The following PHACTR3 variants were observed in gnomAD, a reference collection of about 807,000 sequenced individuals.
PHACTR3 encodes the protein phosphatase and actin regulator 3.
In PHACTR3, 16 loss-of-function variants were observed where a neutral mutation model predicts 66.8. That is an observed-to-expected ratio of 0.24 (90% CI 0.16 to 0.36). The LOEUF (loss-of-function observed/expected upper bound fraction) is 0.36. Among genes scored for constraint, PHACTR3 ranks in the 10% least tolerant of loss-of-function variants. The probability of loss-of-function intolerance (pLI) is 1.00; values close to 1 mark genes in which losing one functional copy is unlikely to be tolerated. For missense variants in PHACTR3, 647 were observed against 719.9 expected (o/e 0.90, Z 1.16); for synonymous variants, 323 against 292.1 (o/e 1.11, Z -1.08).
At chr20:59,603,234 C>A (rs559016182), upstream of PHACTR3, among the ~76,000 whole-genome samples, 32 of 152,280 alleles carry the variant, frequency 2.1e-4, no homozygotes, top group African/African-American at 7.2e-4. Flanking sequence ...CGGCTTCACC[C>A]TCCCCCTTTC....
intron 1 of PHACTR3, among the ~76,000 whole-genome samples, chr20:59,647,171 G>A (rs570356510): frequency 7.4e-4 from 112 of 152,278 alleles, no homozygotes; most frequent in African/African-American, 2.5e-3. Flanking sequence ...CAATCATGGC[G>A]GAAGGCAAAG....
chr20:59,788,351 A>G (rs1388747850), intron 7 of PHACTR3, among the ~76,000 whole-genome samples: 1 of 152,060 alleles, frequency 6.6e-6, no homozygotes, highest in Non-Finnish European at 1.5e-5. Flanking sequence ...AGGGATAGTG[A>G]CACTTCCCTT....
In PHACTR3 at chr20:59,750,397, C is replaced by G. The variant is rs148344496; in HGVS notation, c.358+2562C>G. Among the ~76,000 whole-genome samples the G allele has an allele frequency of 3.9e-5, 6 of 152,258 alleles. No homozygotes were observed. In the East Asian group the frequency reaches 1.2e-3, roughly 29 times the overall value. On this transcript the variant is annotated intron_variant, in intron 3 of 12. Transcript: ENST00000371015. The stretch of plus-strand genomic sequence containing the variant: ...GACCCAGGCAGCAGTGCTTCCTCAT[C>G]CTCCACAGCTGATTCCGACTTTGAT...
intron 1 of PHACTR3, 75 bp from the exon 2 acceptor site, chr20:59,743,032 G>T (rs2039225512): frequency 6.6e-7 from 1 of 1,520,146 alleles, no homozygotes; most frequent in South Asian, 1.2e-5. Flanking sequence ...AGGGTGAGAG[G>T]TCATCACCTT....
chr20:59,836,631 C>G, intron 9 of PHACTR3, 71 bp downstream of exon 9: 1 of 1,468,604 alleles, frequency 6.8e-7, no homozygotes, highest in Non-Finnish European at 9.4e-7. Flanking sequence ...ATCCTGAGTT[C>G]CCATAACCCA....
intron 8 of PHACTR3, among the ~76,000 whole-genome samples, chr20:59,821,093 G>A (rs1356066395): frequency 6.6e-6 from 1 of 152,170 alleles, no homozygotes; most frequent in Non-Finnish European, 1.5e-5. Context: ...GTGTTTGCCT[G>A]CATTCATATA....
Position 59,797,233 on chromosome 20 carries a change from T to C in PHACTR3, c.1175-8808T>C, listed in dbSNP as rs964426930. Among the ~76,000 whole-genome samples, 16 of 152,210 alleles carry C rather than the reference T, an allele frequency of 1.1e-4. 1 individual carries two copies. Among genetic ancestry groups the C allele is most frequent in the Admixed American group, 2.0e-4 (3 of 15,286 alleles). ...TTTCTTATTCAGATCATAAATTGTTTTCCTGATTTCATTGAATTTTCTACT... is the reference window on the plus strand; with the variant it reads ...TTTCTTATTCAGATCATAAATTGTTCTCCTGATTTCATTGAATTTTCTACT... On this transcript the variant is annotated intron_variant, in intron 7 of 12. Transcript: ENST00000371015.
chr20:59,634,460 G>A (rs1365913488), intron 1 of PHACTR3, among the ~76,000 whole-genome samples: 1 of 152,182 alleles, frequency 6.6e-6, no homozygotes, highest in Non-Finnish European at 1.5e-5. Flanking sequence ...TGTTGGCCGT[G>A]AACGGTGGTG....
chr20:59,806,218 G>C (rs2041564449), intron 8 of PHACTR3, 24 bp downstream of exon 8: 1 of 1,610,792 alleles, frequency 6.2e-7, no homozygotes, highest in Admixed American at 1.7e-5. Flanking sequence ...TGCGGGCACA[G>C]CCGGGCCTGT....
intron 6 of PHACTR3, among the ~76,000 whole-genome samples, chr20:59,773,714 C>T (rs1015021600): frequency 1.1e-4 from 16 of 152,220 alleles, no homozygotes; most frequent in Non-Finnish European, 2.2e-4. Flanking sequence ...GCGTGAGCCC[C>T]TCAGGACCCA....
At chr20:59,675,492 G>A (rs2036423518) in intron 1 of PHACTR3, among the ~76,000 whole-genome samples, 1 of 152,150 alleles carries the variant, frequency 6.6e-6, no homozygotes, top group Non-Finnish European at 1.5e-5. Context: ...CCTGGTTCTG[G>A]GCTATTGTCC....
chr20:59,784,342 A>G (rs1420172282), intron 7 of PHACTR3, among the ~76,000 whole-genome samples: 1 of 152,054 alleles, frequency 6.6e-6, no homozygotes, highest in Non-Finnish European at 1.5e-5. Flanking sequence ...GTGTATATAT[A>G]GAATGTGTAT....
At chr20:59,599,962 T>TGCCTCAGTGGCTTTCCACCATC (rs2033426205), upstream of PHACTR3, among the ~76,000 whole-genome samples, 1 of 152,174 alleles carries the variant, frequency 6.6e-6, no homozygotes, top group African/African-American at 2.4e-5. Context: ...GACCCACCAC[T>TGCCTCAGTGGCTTTCCACCATC]GCCTCAGTGG....
chr20:59,619,062 G>A (rs146751835), intron 1 of PHACTR3, among the ~76,000 whole-genome samples: 1 of 152,200 alleles, frequency 6.6e-6, no homozygotes, highest in African/African-American at 2.4e-5. Flanking sequence ...ACTACCTCCT[G>A]TGTGCTTTTC....
At chr20:59,668,311 C>T (rs778732885) in intron 1 of PHACTR3, among the ~76,000 whole-genome samples, 8 of 151,076 alleles carry the variant, frequency 5.3e-5, no homozygotes, top group Non-Finnish European at 7.4e-5. Flanking sequence ...TGGACATATA[C>T]GCCTGTACAT....
chr20:59,586,840 G>A (rs1044445553), intron 1 of PHACTR3, among the ~76,000 whole-genome samples: 4 of 152,128 alleles, frequency 2.6e-5, no homozygotes, highest in South Asian at 2.1e-4. Context: ...GAGGAAAACC[G>A]AGGCTGAAAG....
intron 1 of PHACTR3, among the ~76,000 whole-genome samples, chr20:59,635,111 C>CTT (rs1311976745): frequency 3.1e-5 from 2 of 64,538 alleles, no homozygotes; most frequent in African/African-American, 1.1e-4. Flanking sequence ...CTCTTTCTTT[C>CTT]TTTCTTTCTT....
chr20:59,704,609 T>G (rs1033723745), intron 1 of PHACTR3, among the ~76,000 whole-genome samples: 1 of 149,956 alleles, frequency 6.7e-6, no homozygotes, highest in Admixed American at 6.6e-5. Flanking sequence ...ATGCACGTCT[T>G]ATAGTATTCC....
intron 1 of PHACTR3, chr20:59,676,563 G>A: frequency 4.3e-6 from 1 of 234,316 alleles, no homozygotes; most frequent in Non-Finnish European, 6.9e-6. Context: ...CCTGACAATT[G>A]CAGTGCTGCG....
Sources: allele counts gnomAD v4.1 joint callset (sites outside exome capture counted in the v4.1 genomes callset), GRCh38; gene constraint gnomAD v4.1.1; transcripts MANE v1.5; gene names NCBI Gene and HGNC (gene_info 2026-07-23, HGNC 2026-07-21).